The following ABI3BP variants were observed in gnomAD, a reference collection of about 807,000 sequenced individuals.
ABI3BP encodes target of Nesh-SH3.
In ABI3BP, 216 loss-of-function variants were observed where a neutral mutation model predicts 268.6. The observed-to-expected ratio is 0.80, with a 90% CI of 0.72 to 0.90. The LOEUF is 0.90. Among genes scored for constraint, ABI3BP ranks in the 40% least tolerant of loss-of-function variants. ABI3BP has a pLI of 0.00. For missense variants in ABI3BP, 2,090 were observed against 2,182.4 expected (o/e 0.96, Z 0.84); for synonymous variants, 730 against 730.0 (o/e 1.00, Z 0.00).
intron 55 of ABI3BP, 81 bp from the exon 56 acceptor site, chr3:100,789,597 C>G: frequency 7.5e-7 from 1 of 1,338,118 alleles, no homozygotes; most frequent in African/African-American, 1.5e-5. Flanking sequence ...TAGGGACCAA[C>G]AACTCATACA....
At chr3:100,922,571 C>T (rs1019368093) in intron 2 of ABI3BP, among the ~76,000 whole-genome samples, 4 of 148,254 alleles carry the variant, frequency 2.7e-5, no homozygotes, top group Admixed American at 6.8e-5. Context: ...ATGGCGATGG[C>T]GATGGTGATG....
At chr3:100,969,441 A>G (rs961664415) in intron 1 of ABI3BP, among the ~76,000 whole-genome samples, 1 of 152,204 alleles carries the variant, frequency 6.6e-6, no homozygotes, top group Admixed American at 6.5e-5. Context: ...GCAAGAGCCA[A>G]GTACTAAAGG....
intron 20 of ABI3BP, among the ~76,000 whole-genome samples, chr3:100,843,032 G>T (rs1017125787): frequency 6.6e-6 from 1 of 152,106 alleles, no homozygotes; most frequent in Non-Finnish European, 1.5e-5. Context: ...AGTGTGGCAG[G>T]TTTTGAGAAT....
chr3:100,962,354 C>T (rs144070594), intron 1 of ABI3BP, among the ~76,000 whole-genome samples: 312 of 152,298 alleles, frequency 2.0e-3, no homozygotes, highest in Middle Eastern at 6.8e-3. Flanking sequence ...ACATCTTATT[C>T]ATTCTCCTTT....
intron 14 of ABI3BP, among the ~76,000 whole-genome samples, chr3:100,861,440 A>G (rs1414305598): frequency 6.6e-6 from 1 of 152,202 alleles, no homozygotes; most frequent in Non-Finnish European, 1.5e-5. Flanking sequence ...ACTATATGAT[A>G]TGTACCCCAA....
intron 2 of ABI3BP, among the ~76,000 whole-genome samples, chr3:100,914,883 T>G (rs548608970): frequency 6.6e-6 from 1 of 152,218 alleles, no homozygotes; most frequent in East Asian, 1.9e-4. Context: ...AGGAAGACAT[T>G]ATTGGAGTTT....
At chr3:100,875,815 A>G (rs1226819840) in intron 7 of ABI3BP, among the ~76,000 whole-genome samples, 1 of 152,168 alleles carries the variant, frequency 6.6e-6, no homozygotes, top group Non-Finnish European at 1.5e-5. Flanking sequence ...TTCCATTCTA[A>G]TTACTGGAAA....
At chr3:100,971,136 T>C (rs2083402089) in intron 1 of ABI3BP, among the ~76,000 whole-genome samples, 1 of 152,136 alleles carries the variant, frequency 6.6e-6, no homozygotes, top group Non-Finnish European at 1.5e-5. Context: ...CAGGCAAACA[T>C]TTGTATTTCA....
intron 58 of ABI3BP, among the ~76,000 whole-genome samples, chr3:100,778,833 T>C (rs2096787071): frequency 6.6e-6 from 1 of 152,208 alleles, no homozygotes; most frequent in South Asian, 2.1e-4. Flanking sequence ...CACTATATGA[T>C]TTTATATAAG....
At chr3:100,924,954 C>CTAAAAAT (rs2061386816) in intron 2 of ABI3BP, among the ~76,000 whole-genome samples, 1 of 152,104 alleles carries the variant, frequency 6.6e-6, no homozygotes, top group African/African-American at 2.4e-5. Context: ...GGGGCAAACA[C>CTAAAAAT]ACGGCTTCCG....
intron 26 of ABI3BP, 136 bp from the exon 27 acceptor site, chr3:100,837,307 C>A: frequency 1.7e-6 from 1 of 575,448 alleles, no homozygotes; most frequent in Non-Finnish European, 2.8e-6. Flanking sequence ...TCTTGATAGG[C>A]TTATTTATTA....
chr3:100,849,349 G>A (rs1228761182), intron 17 of ABI3BP, among the ~76,000 whole-genome samples: 1 of 150,578 alleles, frequency 6.6e-6, no homozygotes, highest in African/African-American at 2.4e-5. Context: ...TCAGCGTCCT[G>A]AGTAGCTGGG....
In ABI3BP at chr3:100,838,210, C is replaced by T. The variant is rs553137878; in HGVS notation, c.2083G>A (p.Val695Ile). 162 of 1,534,856 alleles carry T rather than the reference C, an allele frequency of 1.1e-4. No individual in the cohort carries two copies. The highest frequency in any genetic ancestry group is 4.7e-4 in the African/African-American group (34 of 72,912). ...CTAAAGCACTGGAAATTATGTTTAC[C>T]GGATTTAGTTGGTGGCATGTCTGGT... is the stretch of plus-strand genomic sequence containing the variant. ...AEPDMPPTKS[V>I]SEPVPFETEA... The change falls in exon 26 of 68, where the codon GTC (valine) becomes ATC (isoleucine). Residue 695 changes from valine to isoleucine, a missense_variant and splice_region_variant. Physicochemically the swap from Val to Ile is conservative, Grantham distance 29 (BLOSUM62 3). Transcript: ENST00000471714.
chr3:100,972,592 T>C (rs17339226), intron 1 of ABI3BP, among the ~76,000 whole-genome samples: 21,991 of 152,246 alleles, frequency 0.14, 1,664 homozygotes, highest in Middle Eastern at 0.19. Context: ...CTAATTTGCT[T>C]ATGGTGTTTG....
At chr3:100,764,349 C>T in intron 63 of ABI3BP, among the ~76,000 whole-genome samples, 1 of 152,324 alleles carries the variant, frequency 6.6e-6, no homozygotes. Flanking sequence ...TTAACTGCCT[C>T]TCCTCTAGCC....
intron 65 of ABI3BP, 53 bp downstream of exon 65, chr3:100,753,766 T>C: frequency 6.3e-7 from 1 of 1,587,486 alleles, no homozygotes; most frequent in Non-Finnish European, 8.6e-7. Flanking sequence ...GCCTGTTCAG[T>C]TGAATAAATT....
intron 59 of ABI3BP, 56 bp from the exon 60 acceptor site, chr3:100,775,391 T>C (rs1482368985): frequency 1.7e-5 from 26 of 1,551,920 alleles, no homozygotes; most frequent in Non-Finnish European, 2.1e-5. Context: ...AAGTTTCCTA[T>C]AAACATTTAT....
At chr3:100,823,339 A>T in intron 37 of ABI3BP, 119 bp downstream of exon 37, 1 of 839,936 alleles carries the variant, frequency 1.2e-6, no homozygotes, top group Non-Finnish European at 1.8e-6. Flanking sequence ...AGAGTCTTAT[A>T]ATTTCAAGAA....
rs377456633 is a variant in ABI3BP at position 100,908,832 on chromosome 3, T to C, written c.260-6146A>G. On this transcript the variant is annotated intron_variant, in intron 2 of 67. Transcript: ENST00000471714. Reference sequence around the variant, plus strand: ...AATATTGTGAAAATGGCCATACTGCTCAAAGTAATTTATAGGTTCAATGCC... The same window carrying C: ...AATATTGTGAAAATGGCCATACTGCCCAAAGTAATTTATAGGTTCAATGCC... Among the ~76,000 whole-genome samples, 654 of 152,254 alleles carry C rather than the reference T, an allele frequency of 4.3e-3. 3 individuals are homozygous for C. Among genetic ancestry groups the C allele is most frequent in the African/African-American group, 0.015 (606 of 41,552 alleles).
Sources: gnomAD v4.1 joint callset for allele counts (sites outside exome capture counted in the v4.1 genomes callset) on GRCh38, gnomAD v4.1.1 for gene constraint, MANE v1.5 for transcripts, NCBI Gene and HGNC (gene_info 2026-07-23, HGNC 2026-07-21) for gene names.